NRG1: variants seen among roughly 807,000 people sequenced by gnomAD.
NRG1 encodes the protein neuregulin 1.
A neutral mutation model predicts 63.8 loss-of-function variants in NRG1; 18 were observed. The observed-to-expected ratio is 0.28, with a 90% CI of 0.19 to 0.42. The LOEUF (loss-of-function observed/expected upper bound fraction) is 0.42. Ranked by LOEUF, NRG1 falls within the 10% of genes least tolerant of loss-of-function variation. The pLI is 1.00. For synonymous variants in NRG1, 302 were observed against 301.3 expected, an observed-to-expected ratio of 1.00 and a Z score of -0.02; for missense variants, 762 against 814.7, an observed-to-expected ratio of 0.94 and a Z score of 0.79.
At chr8:31,994,668 A>AAAAT (rs1811667468) in intron 1 of NRG1, among the ~76,000 whole-genome samples, 2 of 150,232 alleles carry the variant, frequency 1.3e-5, no homozygotes, top group Non-Finnish European at 3.0e-5. Context: ...AAAAAAAAAA[A>AAAAT]AAAAAAAAAA....
At chr8:32,625,053 C>CT (rs1248689895) in intron 5 of NRG1, among the ~76,000 whole-genome samples, 2 of 152,172 alleles carry the variant, frequency 1.3e-5, no homozygotes, top group Non-Finnish European at 2.9e-5. Flanking sequence ...TTTTATCAGA[C>CT]TTATAGACAT....
chr8:32,625,788 C>A (rs201030014), intron 5 of NRG1, among the ~76,000 whole-genome samples: 1 of 94,244 alleles, frequency 1.1e-5, no homozygotes, highest in African/African-American at 4.1e-5. Context: ...TTTTTTTTTT[C>A]TTTTTTCTTT....
intron 1 of NRG1, among the ~76,000 whole-genome samples, chr8:31,685,753 T>C (rs1184851574): frequency 6.6e-6 from 1 of 152,216 alleles, no homozygotes; most frequent in Non-Finnish European, 1.5e-5. Context: ...AATGGAATCA[T>C]ATATGAAGTG....
intron 8 of NRG1, among the ~76,000 whole-genome samples, chr8:32,756,200 A>C (rs549425798): frequency 1.3e-5 from 2 of 152,214 alleles, no homozygotes; most frequent in African/African-American, 4.8e-5. Context: ...TTCCATAAGA[A>C]TCCCAGGTGG....
At chr8:31,977,596 T>C (rs2129630095) in intron 1 of NRG1, among the ~76,000 whole-genome samples, 1 of 152,224 alleles carries the variant, frequency 6.6e-6, no homozygotes, top group South Asian at 2.1e-4. Context: ...TCAGTGGACA[T>C]CCAATATACA....
At chr8:32,263,919 G>T (rs79560322) in intron 1 of NRG1, among the ~76,000 whole-genome samples, 244 of 152,270 alleles carry the variant, frequency 1.6e-3, no homozygotes, top group African/African-American at 5.4e-3. Context: ...GGGGAGAGCT[G>T]AGGGTATTTA....
intron 1 of NRG1, among the ~76,000 whole-genome samples, chr8:31,956,638 T>C (rs1482085180): frequency 6.6e-6 from 1 of 152,078 alleles, no homozygotes; most frequent in Non-Finnish European, 1.5e-5. Flanking sequence ...AAAAAAAGTA[T>C]TCTGTGAGCC....
intron 1 of NRG1, among the ~76,000 whole-genome samples, chr8:31,807,875 A>G (rs576972090): frequency 1.3e-5 from 2 of 152,212 alleles, no homozygotes; most frequent in Admixed American, 1.3e-4. Flanking sequence ...CACTTAGCAC[A>G]ATGACCTCCA....
chr8:32,094,492 G>A (rs771873991), intron 1 of NRG1, among the ~76,000 whole-genome samples: 2 of 152,106 alleles, frequency 1.3e-5, no homozygotes, highest in Non-Finnish European at 2.9e-5. Context: ...CTTGTATGTT[G>A]TTCCCAAGCT....
intron 1 of NRG1, among the ~76,000 whole-genome samples, chr8:32,527,315 C>T (rs947631060): frequency 2.0e-5 from 3 of 151,440 alleles, no homozygotes; most frequent in Admixed American, 1.3e-4. Context: ...AGACACACAC[C>T]GTGGAATACT....
At chr8:31,858,100 T>G (rs1298699438) in intron 1 of NRG1, among the ~76,000 whole-genome samples, 2 of 151,996 alleles carry the variant, frequency 1.3e-5, no homozygotes, top group African/African-American at 4.8e-5. Context: ...GAGATCGAGA[T>G]CATCCTGGCT....
chr8:32,606,198 T>A (rs1029240927), intron 3 of NRG1, among the ~76,000 whole-genome samples: 6 of 149,186 alleles, frequency 4.0e-5, no homozygotes, highest in African/African-American at 1.5e-4. Context: ...ATTACATATA[T>A]AATATGCATA....
At chr8:31,828,351 T>A (rs1446321210) in intron 1 of NRG1, among the ~76,000 whole-genome samples, 2 of 152,200 alleles carry the variant, frequency 1.3e-5, no homozygotes, top group Non-Finnish European at 2.9e-5. Context: ...TGCTGTTTGA[T>A]GAGAATTGAC....
At chr8:31,838,839 A>G (rs1320168622) in intron 1 of NRG1, among the ~76,000 whole-genome samples, 1 of 152,194 alleles carries the variant, frequency 6.6e-6, no homozygotes, top group Non-Finnish European at 1.5e-5. Flanking sequence ...ATAAATGTAC[A>G]GGTGATGAAC....
At chr8:32,052,738 G>C (rs1822193813) in intron 1 of NRG1, among the ~76,000 whole-genome samples, 1 of 152,050 alleles carries the variant, frequency 6.6e-6, no homozygotes, top group Non-Finnish European at 1.5e-5. Context: ...TAGCTGTAAT[G>C]GGTTAGCACA....
At chr8:32,380,096 T>G (rs1810148163) in intron 1 of NRG1, among the ~76,000 whole-genome samples, 1 of 152,184 alleles carries the variant, frequency 6.6e-6, no homozygotes, top group African/African-American at 2.4e-5. Flanking sequence ...TATTACCTTT[T>G]TGCTTCTATC....
intron 1 of NRG1, among the ~76,000 whole-genome samples, chr8:32,514,989 T>C (rs1401867511): frequency 1.2e-5 from 1 of 84,270 alleles, no homozygotes; most frequent in African/African-American, 5.4e-5. Flanking sequence ...TTCCATGGTG[T>C]ATACATATCA....
intron 1 of NRG1, among the ~76,000 whole-genome samples, chr8:32,499,010 G>A (rs903245243): frequency 6.6e-6 from 1 of 152,206 alleles, no homozygotes; most frequent in East Asian, 1.9e-4. Context: ...CAAAAGCTGA[G>A]TTGGTGGCTA....
chr8:32,166,903 T>G (rs1839457392), intron 1 of NRG1, among the ~76,000 whole-genome samples: 1 of 152,190 alleles, frequency 6.6e-6, no homozygotes, highest in East Asian at 1.9e-4. Context: ...ATTCATGGAC[T>G]GTTTATGGAA....
Sources: gnomAD v4.1 joint callset for allele counts (sites outside exome capture counted in the v4.1 genomes callset) on GRCh38, gnomAD v4.1.1 for gene constraint, MANE v1.5 for transcripts, NCBI Gene and HGNC (gene_info 2026-07-23, HGNC 2026-07-21) for gene names.